Variants in KCTD16 observed in about 807,000 individuals in gnomAD.
KCTD16 encodes potassium channel tetramerization domain containing 16, also known as BTB/POZ domain-containing protein KCTD16.
KCTD16 carries 13 observed loss-of-function variants against 33.2 expected under a neutral mutation model. That is an observed-to-expected ratio of 0.39 (90% confidence interval 0.25 to 0.62). The LOEUF is 0.62. KCTD16 is among the 20% of genes least tolerant of loss of function. The pLI, the probability that KCTD16 is intolerant of heterozygous loss-of-function variation, is 0.50. For synonymous variants in KCTD16, 197 were observed against 195.3 expected (o/e 1.01, Z -0.07); for missense variants, 441 against 525.1 (o/e 0.84, Z 1.57).
intron 3 of KCTD16, among the ~76,000 whole-genome samples, chr5:144,333,885 G>T (rs1752417970): frequency 6.6e-6 from 1 of 152,076 alleles, no homozygotes; most frequent in East Asian, 1.9e-4. Flanking sequence ...GCCACATCTG[G>T]CTCCCTCTTT....
At chr5:144,305,172 A>G (rs1751567157) in intron 3 of KCTD16, among the ~76,000 whole-genome samples, 1 of 151,972 alleles carries the variant, frequency 6.6e-6, no homozygotes, top group African/African-American at 2.4e-5. Context: ...CCCAGGTGAG[A>G]TTCTGTTATA....
chr5:144,239,362 G>A (rs1308832117), intron 3 of KCTD16, among the ~76,000 whole-genome samples: 1 of 152,048 alleles, frequency 6.6e-6, no homozygotes, highest in Non-Finnish European at 1.5e-5. Flanking sequence ...TGTGTCTATT[G>A]AAATCCCTGA....
At chr5:144,216,018 T>TC (rs1753552365) in intron 3 of KCTD16, among the ~76,000 whole-genome samples, 1 of 152,184 alleles carries the variant, frequency 6.6e-6, no homozygotes, top group Admixed American at 6.5e-5. Context: ...GATGGTTTCC[T>TC]CCCCCTATCC....
At chr5:144,372,700 G>A (rs1751996080) in intron 3 of KCTD16, among the ~76,000 whole-genome samples, 1 of 152,176 alleles carries the variant, frequency 6.6e-6, no homozygotes, top group African/African-American at 2.4e-5. Flanking sequence ...TAAAGGCTTG[G>A]TGATGGGAGG....
At chr5:144,335,122 T>A (rs1251179809) in intron 3 of KCTD16, among the ~76,000 whole-genome samples, 1 of 152,072 alleles carries the variant, frequency 6.6e-6, no homozygotes, top group Non-Finnish European at 1.5e-5. Context: ...CTGTACATGG[T>A]GTCAATCTTT....
At chr5:144,372,029 C>T (rs779545156) in intron 3 of KCTD16, among the ~76,000 whole-genome samples, 1 of 152,048 alleles carries the variant, frequency 6.6e-6, no homozygotes, top group Non-Finnish European at 1.5e-5. Context: ...ATCTGCTTGA[C>T]AGGTTAAGGA....
chr5:144,364,754 A>G (rs890882225), intron 3 of KCTD16, among the ~76,000 whole-genome samples: 12 of 152,230 alleles, frequency 7.9e-5, no homozygotes. Flanking sequence ...TTATTTTGGG[A>G]AAGGAATTGT....
chr5:144,394,105 C>T (rs886474195), intron 3 of KCTD16, among the ~76,000 whole-genome samples: 5 of 151,986 alleles, frequency 3.3e-5, no homozygotes, highest in African/African-American at 1.2e-4. Flanking sequence ...CTAATTTTCC[C>T]ATCGACTTTC....
chr5:144,419,955 G>A (rs1184745070), intron 3 of KCTD16, among the ~76,000 whole-genome samples: 1 of 152,096 alleles, frequency 6.6e-6, no homozygotes, highest in Non-Finnish European at 1.5e-5. Context: ...AGTAACCTAG[G>A]AAGAACTCCT....
At chr5:144,361,729 T>G (rs1247075782) in intron 3 of KCTD16, among the ~76,000 whole-genome samples, 1 of 152,256 alleles carries the variant, frequency 6.6e-6, no homozygotes, top group East Asian at 1.9e-4. Context: ...ACAGATAACA[T>G]TTAGAAATCT....
chr5:144,280,741 G>A lies in KCTD16; in HGVS notation c.832+73195G>A, dbSNP rs552757272. ...AGATCGAGACCATCCTGGCTAACAT[G>A]GTGAAACCCCATCTCTACTAAACAA... On this transcript the variant is annotated intron_variant, in intron 3 of 3. Coordinates refer to ENST00000512467, the MANE Select transcript of KCTD16 (RefSeq NM_020768.4). Among the ~76,000 whole-genome samples, 14 of 152,280 alleles carry A rather than the reference G, an allele frequency of 9.2e-5. No individual in the cohort carries two copies. In the South Asian group the frequency reaches 2.1e-3, roughly 23 times the overall value.
Position 144,297,528 on chromosome 5 carries a change from G to A in KCTD16, c.832+89982G>A, listed in dbSNP as rs115230987. Among the ~76,000 whole-genome samples, 705 of 152,248 alleles carry A rather than the reference G, an allele frequency of 4.6e-3. 1 individual carries two copies. The highest frequency in any genetic ancestry group is 0.016 in the African/African-American group (676 of 41,538). ...GTTGCAGAAGAATTGTACTTCAGTA[G>A]GTCTCCTTTTAATATGGAGTAAAAC... On this transcript the variant is annotated intron_variant, in intron 3 of 3. Coordinates refer to ENST00000512467, the MANE Select transcript of KCTD16 (RefSeq NM_020768.4).
At chr5:144,367,789 C>G (rs1751872483) in intron 3 of KCTD16, among the ~76,000 whole-genome samples, 1 of 148,494 alleles carries the variant, frequency 6.7e-6, no homozygotes, top group Non-Finnish European at 1.5e-5. Context: ...TGGGGTTTTT[C>G]AGCCCTTGCT....
chr5:144,340,451 A>C (rs1384847675), intron 3 of KCTD16, among the ~76,000 whole-genome samples: 1 of 148,642 alleles, frequency 6.7e-6, no homozygotes, highest in Non-Finnish European at 1.5e-5. Context: ...AGAGTTGGAG[A>C]GGGGGAGCTT....
At chr5:144,286,969 C>T (rs1043638708) in intron 3 of KCTD16, among the ~76,000 whole-genome samples, 5 of 152,126 alleles carry the variant, frequency 3.3e-5, no homozygotes, top group Admixed American at 3.3e-4. Context: ...TCACACAATC[C>T]TTATGTATTA....
chr5:144,469,784 C>G (rs999818925), intron 3 of KCTD16, among the ~76,000 whole-genome samples: 2 of 151,876 alleles, frequency 1.3e-5, no homozygotes, highest in Non-Finnish European at 2.9e-5. Context: ...CATATGTGTT[C>G]AGCTCATTCA....
At chr5:144,271,788 C>G (rs909997526) in intron 3 of KCTD16, among the ~76,000 whole-genome samples, 3 of 147,574 alleles carry the variant, frequency 2.0e-5, no homozygotes, top group African/African-American at 7.4e-5. Context: ...CACACACACA[C>G]AGAGTTAGAA....
At chr5:144,459,605 C>T (rs1754147513) in intron 3 of KCTD16, among the ~76,000 whole-genome samples, 2 of 152,194 alleles carry the variant, frequency 1.3e-5, no homozygotes, top group South Asian at 4.2e-4. Flanking sequence ...TCGCCTCAGC[C>T]TCCCAAAGTG....
intron 3 of KCTD16, among the ~76,000 whole-genome samples, chr5:144,353,170 G>A (rs766088476): frequency 5.3e-5 from 8 of 152,186 alleles, no homozygotes; most frequent in Non-Finnish European, 1.2e-4. Flanking sequence ...GGTGCATTCT[G>A]GGGGAAGTAG....
Sources: allele counts gnomAD v4.1 joint callset (sites outside exome capture counted in the v4.1 genomes callset), GRCh38; gene constraint gnomAD v4.1.1; transcripts MANE v1.5; gene names NCBI Gene and HGNC (gene_info 2026-07-23, HGNC 2026-07-21).